CNTLN: variants seen among roughly 807,000 people sequenced by gnomAD.
The protein encoded by CNTLN is centlein, also known as centlein, centrosomal protein.
In CNTLN, 212 loss-of-function variants were observed where a neutral mutation model predicts 180.0. The ratio of observed to expected loss-of-function variants is 1.18; its 90% CI spans 1.05 to 1.32. The LOEUF (loss-of-function observed/expected upper bound fraction) is 1.32, where lower values mean the gene tolerates loss of function less well. CNTLN is among the 40% of genes most tolerant of loss of function. CNTLN has a pLI of 0.00. For missense variants in CNTLN, 2,095 were observed against 1,610.9 expected, an observed-to-expected ratio of 1.30 and a Z score of -5.14; for synonymous variants, 722 against 563.1, an observed-to-expected ratio of 1.28 and a Z score of -3.99.
At chr9:17,406,630 T>A (rs1260796135) in intron 15 of CNTLN, among the ~76,000 whole-genome samples, 1 of 151,810 alleles carries the variant, frequency 6.6e-6, no homozygotes, top group Non-Finnish European at 1.5e-5. Flanking sequence ...CCTTAATAAT[T>A]TATAACATAC....
chr9:17,169,781 G>A (rs1014012830), intron 2 of CNTLN, among the ~76,000 whole-genome samples: 2 of 151,962 alleles, frequency 1.3e-5, no homozygotes, highest in Admixed American at 6.6e-5. Context: ...TGCCAGTACC[G>A]TGCTGTTTTG....
intron 25 of CNTLN, among the ~76,000 whole-genome samples, chr9:17,500,404 A>G (rs533481530): frequency 1.2e-4 from 19 of 152,336 alleles, no homozygotes; most frequent in African/African-American, 4.3e-4. Context: ...TAAATTTGAA[A>G]ATGAAATTTG....
chr9:17,316,575 ATGCATATTGCTT>A (rs1335430446), intron 8 of CNTLN, among the ~76,000 whole-genome samples: 6 of 152,088 alleles, frequency 3.9e-5, no homozygotes, highest in African/African-American at 1.4e-4. Flanking sequence ...AGTGTACTGA[ATGCATATTGCTT>A]TCACACCATT....
intron 2 of CNTLN, among the ~76,000 whole-genome samples, chr9:17,151,122 T>G (rs1030506625): frequency 1.3e-5 from 2 of 152,162 alleles, no homozygotes; most frequent in African/African-American, 2.4e-5. Flanking sequence ...TCTCTTCCTA[T>G]TTGGATACCC....
intron 23 of CNTLN, 111 bp from the exon 24 acceptor site, chr9:17,484,184 G>A (rs1832783882): frequency 2.4e-6 from 2 of 836,990 alleles, no homozygotes; most frequent in South Asian, 1.9e-5. Context: ...TAAAACCAGA[G>A]TAATCCTAGT....
At chr9:17,164,402 T>G (rs1819907101) in intron 2 of CNTLN, among the ~76,000 whole-genome samples, 1 of 149,806 alleles carries the variant, frequency 6.7e-6, no homozygotes, top group South Asian at 2.1e-4. Context: ...TAATCGAATA[T>G]GTATAAGACC....
intron 2 of CNTLN, among the ~76,000 whole-genome samples, chr9:17,201,209 T>C (rs1453719985): frequency 6.6e-6 from 1 of 152,222 alleles, no homozygotes; most frequent in African/African-American, 2.4e-5. Context: ...ATAAGCTTTT[T>C]TGATGTGCTG....
rs369582609 is a variant in CNTLN at position 17,135,110 on chromosome 9, G to A, written c.45G>A (p.Ala15=). Residue 15 remains alanine, a synonymous_variant, in exon 1 of 26, where the codon GCG becomes GCA. Coordinates refer to ENST00000380647, the MANE Select transcript of CNTLN (RefSeq NM_017738.4). The stretch of plus-strand genomic sequence containing the variant: ...CCTCACCGCACCCTTCGCCCCCAGC[G>A]CGACAGCTGGGCCCCAGGTCCCCAC... ...SPPSPHPSPP[A]RQLGPRSPRV... The A allele has an allele frequency of 1.4e-4, 226 of 1,605,980 alleles. No homozygotes were observed. The highest frequency in any genetic ancestry group is 9.9e-5 in the Non-Finnish European group (117 of 1,177,850).
intron 21 of CNTLN, among the ~76,000 whole-genome samples, chr9:17,465,348 A>C (rs192924263): frequency 1.3e-3 from 197 of 150,718 alleles, no homozygotes; most frequent in African/African-American, 4.3e-3. Flanking sequence ...ACATCTGTGC[A>C]AGTTAAAATC....
chr9:17,391,580 A>G (rs1826118909), intron 14 of CNTLN, among the ~76,000 whole-genome samples: 1 of 152,112 alleles, frequency 6.6e-6, no homozygotes, highest in South Asian at 2.1e-4. Flanking sequence ...ACTTAAATGG[A>G]TTTCAGTCAA....
intron 8 of CNTLN, among the ~76,000 whole-genome samples, chr9:17,315,102 T>G (rs753371411): frequency 2.4e-4 from 36 of 152,206 alleles, no homozygotes; most frequent in Non-Finnish European, 1.0e-4. Context: ...TGTGCAATTC[T>G]GTATTTCCCA....
chr9:17,234,724 C>T (rs1457344184), intron 3 of CNTLN, among the ~76,000 whole-genome samples: 1 of 151,740 alleles, frequency 6.6e-6, no homozygotes, highest in African/African-American at 2.4e-5. Context: ...TCTTGGTTGA[C>T]AGACAGAAGG....
intron 13 of CNTLN, among the ~76,000 whole-genome samples, chr9:17,374,252 T>A (rs1185568862): frequency 3.3e-5 from 5 of 151,978 alleles, no homozygotes; most frequent in Non-Finnish European, 4.4e-5. Flanking sequence ...TATAAGCAGC[T>A]AAAAACTACT....
At chr9:17,426,144 T>C (rs545555559) in intron 18 of CNTLN, among the ~76,000 whole-genome samples, 73 of 152,068 alleles carry the variant, frequency 4.8e-4, no homozygotes, top group Non-Finnish European at 7.6e-4. Flanking sequence ...AATGAAGAAA[T>C]AGACAATGAA....
intron 13 of CNTLN, among the ~76,000 whole-genome samples, chr9:17,380,191 G>A (rs1304982390): frequency 6.6e-6 from 1 of 152,176 alleles, no homozygotes; most frequent in African/African-American, 2.4e-5. Context: ...CATTGCCAGT[G>A]GATCCTCAAA....
intron 23 of CNTLN, among the ~76,000 whole-genome samples, chr9:17,477,738 G>A (rs1206481903): frequency 2.0e-5 from 3 of 152,200 alleles, no homozygotes; most frequent in African/African-American, 7.2e-5. Context: ...TAGAGAAAGC[G>A]GTTTCCTGAG....
chr9:17,390,235 CTTTTTTTTTTTT>C (rs35329298), intron 14 of CNTLN, among the ~76,000 whole-genome samples: 26 of 77,408 alleles, frequency 3.4e-4, no homozygotes, highest in Middle Eastern at 0.014. Context: ...AAAAGAGCCT[CTTTTTTTTTTTT>C]TTTTTTTTTG....
At chr9:17,385,853 T>A (rs1412990962) in intron 13 of CNTLN, among the ~76,000 whole-genome samples, 1 of 152,196 alleles carries the variant, frequency 6.6e-6, no homozygotes, top group African/African-American at 2.4e-5. Context: ...GACTTGAGCA[T>A]GGTTGGATTT....
intron 2 of CNTLN, among the ~76,000 whole-genome samples, chr9:17,145,123 G>C (rs888839046): frequency 3.9e-5 from 6 of 152,000 alleles, no homozygotes; most frequent in African/African-American, 7.3e-5. Flanking sequence ...TTACAGGCGT[G>C]AGCCACCGCA....
Sources: allele counts gnomAD v4.1 joint callset (sites outside exome capture counted in the v4.1 genomes callset), GRCh38; gene constraint gnomAD v4.1.1; transcripts MANE v1.5; gene names NCBI Gene and HGNC (gene_info 2026-07-23, HGNC 2026-07-21).